TENT4B: variants seen among roughly 807,000 people sequenced by gnomAD.
TENT4B encodes the protein terminal nucleotidyltransferase 4B.
Under a neutral mutation model 75.0 loss-of-function variants are expected in TENT4B, and 10 were observed. The ratio of observed to expected loss-of-function variants is 0.13; its 90% CI spans 0.08 to 0.23. The LOEUF (loss-of-function observed/expected upper bound fraction) is 0.23, where lower values mean the gene tolerates loss of function less well. TENT4B is among the 10% of genes least tolerant of loss of function. TENT4B has a pLI of 1.00. For missense variants in TENT4B, 579 were observed against 893.8 expected (o/e 0.65, Z 4.49); for synonymous variants, 350 against 357.7 (o/e 0.98, Z 0.24).
At chr16:50,169,892 T>C (rs1423612071) in intron 1 of TENT4B, among the ~76,000 whole-genome samples, 1 of 152,164 alleles carries the variant, frequency 6.6e-6, no homozygotes, top group African/African-American at 2.4e-5. Flanking sequence ...TGGCCTTTGC[T>C]TTTAGCTGTT....
chr16:50,208,757 A>G (rs1596726282), intron 1 of TENT4B, among the ~76,000 whole-genome samples: 1 of 152,048 alleles, frequency 6.6e-6, no homozygotes, highest in African/African-American at 2.4e-5. Flanking sequence ...TTTTGAGACA[A>G]AGTCTCACTC....
chr16:50,232,976 T>G lies in TENT4B; in HGVS notation c.*3648T>G. The G allele has an allele frequency of 1.0e-6, 1 of 984,482 alleles. No homozygotes were observed. The highest frequency in any genetic ancestry group is 1.2e-6 in the Non-Finnish European group (1 of 829,048). 61.0% of individuals were successfully genotyped at this position (984,482 alleles called of 1,614,324 possible). On this transcript the variant is annotated 3_prime_UTR_variant, in exon 12 of 12. Transcript: ENST00000561678. ...TGTGATAAATATTGAAATGTTAAAA[T>G]TAATGAACAGAAGAATTTATTCTTA... is the stretch of plus-strand genomic sequence containing the variant.
At chr16:50,194,226 T>TC (rs920107724) in intron 1 of TENT4B, among the ~76,000 whole-genome samples, 44 of 151,176 alleles carry the variant, frequency 2.9e-4, no homozygotes, top group African/African-American at 8.5e-4. Context: ...CTTTTTTTTT[T>TC]TTTCTCTGAG....
chr16:50,222,234 T>A, intron 5 of TENT4B, 72 bp from the exon 6 acceptor site: 2 of 1,390,718 alleles, frequency 1.4e-6, no homozygotes, highest in Non-Finnish European at 2.0e-6. Flanking sequence ...TAAGGACCAA[T>A]TTATGCCCCT....
At chr16:50,184,542 C>CTA (rs548549000) in intron 1 of TENT4B, among the ~76,000 whole-genome samples, 163 of 152,266 alleles carry the variant, frequency 1.1e-3, no homozygotes, top group African/African-American at 3.9e-3. Flanking sequence ...TGGCGGGCGC[C>CTA]TATAGTCCCA....
chr16:50,188,446 A>G (rs1180254651), intron 1 of TENT4B, among the ~76,000 whole-genome samples: 2 of 152,242 alleles, frequency 1.3e-5, no homozygotes, highest in Non-Finnish European at 2.9e-5. Flanking sequence ...GATGGTAAAC[A>G]CAACAGCACA....
chr16:50,209,504 C>T (rs73573622), intron 1 of TENT4B, among the ~76,000 whole-genome samples: 2 of 152,312 alleles, frequency 1.3e-5, no homozygotes, highest in South Asian at 2.1e-4. Context: ...GCAAGGAAAA[C>T]GTCCCCACTG....
At position 50,228,014 on chromosome 16, in the gene TENT4B, C is replaced by T. The variant is rs190857225; in HGVS notation, c.1965+11C>T. ...ACCAACAAATCTCAGGTGTGTGGAA[C>T]GTGGGTTTTTAATTGTTAGTATTTG... On this transcript the variant is annotated intron_variant, in intron 11 of 11. Transcript: ENST00000561678. 3.2e-5 allele frequency: 51 copies of T among 1,610,996 alleles called. No homozygotes were observed. The highest frequency in any genetic ancestry group is 2.4e-4 in the African/African-American group (18 of 74,936).
At chr16:50,192,440 G>C in intron 1 of TENT4B, among the ~76,000 whole-genome samples, 1 of 151,956 alleles carries the variant, frequency 6.6e-6, no homozygotes, top group African/African-American at 2.4e-5. Flanking sequence ...AAATTATTAT[G>C]AGTACACAAT....
intron 1 of TENT4B, among the ~76,000 whole-genome samples, chr16:50,163,807 G>A (rs2038046536): frequency 6.6e-6 from 1 of 151,886 alleles, no homozygotes; most frequent in Non-Finnish European, 1.5e-5. Flanking sequence ...CTCTTACTGT[G>A]GGAATAATTT....
chr16:50,193,999 G>C (rs538453700), intron 1 of TENT4B, among the ~76,000 whole-genome samples: 8 of 152,242 alleles, frequency 5.3e-5, no homozygotes, highest in African/African-American at 1.9e-4. Context: ...AATGAGGACT[G>C]TTGGTAACTT....
Position 50,227,982 on chromosome 16 carries a change from C to G in TENT4B, c.1944C>G (p.Ser648=). ...AAAGCACCCAAACCACTAACACATC[C>G]AACAGCACCAACAAATCTCAGGTGT... The part of the protein sequence containing the change: ...KMQSTQTTNT[S]NSTNKSQHGS... Residue 648 remains serine, a synonymous_variant, in exon 11 of 12, where the codon TCC becomes TCG. Transcript: ENST00000561678. 1.2e-6 allele frequency: 2 copies of G among 1,613,920 alleles called. No homozygotes were observed. The highest frequency in any genetic ancestry group is 1.7e-6 in the Non-Finnish European group (2 of 1,179,850).
chr16:50,183,026 ATTTT>A (rs565434826), intron 1 of TENT4B, among the ~76,000 whole-genome samples: 1 of 128,876 alleles, frequency 7.8e-6, no homozygotes, highest in Non-Finnish European at 1.6e-5. Flanking sequence ...GCTTTCTTGT[ATTTT>A]TTTTTTATTT....
intron 1 of TENT4B, among the ~76,000 whole-genome samples, chr16:50,155,272 G>GTGTGTGTGTGTGTGTGT (rs2037871396): frequency 1.9e-4 from 26 of 135,372 alleles, no homozygotes; most frequent in Non-Finnish European, 3.3e-4. Context: ...GGGTCTCGTG[G>GTGTGTGTGTGTGTGTGT]GTGTGTGTGT....
intron 1 of TENT4B, among the ~76,000 whole-genome samples, chr16:50,186,935 A>G (rs746027593): frequency 3.3e-5 from 5 of 150,490 alleles, no homozygotes; most frequent in Admixed American, 6.6e-5. Context: ...TAATTTTTTT[A>G]TTTTTTGAAG....
At chr16:50,183,338 C>T (rs532988608) in intron 1 of TENT4B, among the ~76,000 whole-genome samples, 146 of 152,126 alleles carry the variant, frequency 9.6e-4, no homozygotes, top group African/African-American at 3.4e-3. Flanking sequence ...GCCACCGTGC[C>T]TGGCTGCTTT....
rs1387214959 is a variant in TENT4B at position 50,227,905 on chromosome 16, G to A, written c.1867G>A (p.Val623Ile). Residue 623 changes from valine (V) to isoleucine (I), a missense_variant, in exon 11 of 12, where the codon GTA (valine) becomes ATA (isoleucine). Around this residue, in one of 7 missense-constraint regions of TENT4B, gnomAD observed 164 missense variants for 226.5 expected, o/e 0.72. Transcript: ENST00000561678. ...TTGCCGTCCGTCCACTGGGAACCGA[G>A]TAGGGTCGCAAGATGTATCCTTGGA... ...LLCRPSTGNRVGSQDVSLESS... is the reference protein window; with the variant it reads ...LLCRPSTGNRIGSQDVSLESS... The A allele has an allele frequency of 6.2e-7, 1 of 1,613,894 alleles. No homozygotes were observed. Among genetic ancestry groups the A allele is most frequent in the African/African-American group, 1.3e-5 (1 of 74,922 alleles).
chr16:50,227,878 C>T lies in TENT4B; in HGVS notation c.1840C>T (p.Leu614Phe). ...ATPCKTPKQL[L>F]CRPSTGNRVG... ...ACCATGCAAAACCCCGAAACAGCTG[C>T]TTTGCCGTCCGTCCACTGGGAACCG... Residue 614 changes from leucine to phenylalanine, a missense_variant, in exon 11 of 12, where the codon CTT (leucine) becomes TTT (phenylalanine). Coordinates refer to ENST00000561678, the MANE Select transcript of TENT4B (RefSeq NM_001365324.3). The T allele has an allele frequency of 6.2e-7, 1 of 1,613,984 alleles. No individual in the cohort carries two copies. Among genetic ancestry groups the T allele is most frequent in the Non-Finnish European group, 8.5e-7 (1 of 1,179,892 alleles).
chr16:50,208,469 A>G (rs1270607257), intron 1 of TENT4B, among the ~76,000 whole-genome samples: 2 of 152,156 alleles, frequency 1.3e-5, no homozygotes, highest in African/African-American at 4.8e-5. Context: ...TTATGCTGGT[A>G]GTAACAGGAA....
Sources: allele counts gnomAD v4.1 joint callset (sites outside exome capture counted in the v4.1 genomes callset), GRCh38; gene constraint gnomAD v4.1.1; regional missense constraint gnomAD v4.1.1; transcripts MANE v1.5; gene names NCBI Gene and HGNC (gene_info 2026-07-23, HGNC 2026-07-21).